The following CNTNAP2 variants were observed in gnomAD, a reference collection of about 807,000 sequenced individuals.
CNTNAP2 encodes contactin associated protein 2, also known as contactin-associated protein-like 2.
In CNTNAP2, 98 loss-of-function variants were observed where a neutral mutation model predicts 155.2. The observed-to-expected ratio is 0.63, with a 90% CI of 0.54 to 0.75. The LOEUF is 0.75. Among genes scored for constraint, CNTNAP2 ranks in the 30% least tolerant of loss-of-function variants. CNTNAP2 has a pLI of 0.00. For missense variants in CNTNAP2, 1,727 were observed against 1,688.1 expected, an observed-to-expected ratio of 1.02 and a Z score of -0.40; for synonymous variants, 651 against 631.2, an observed-to-expected ratio of 1.03 and a Z score of -0.47.
rs574476260 is a variant in CNTNAP2 at position 147,708,575 on chromosome 7, T to C, written c.2098+69269T>C. Among the ~76,000 whole-genome samples, 68 of 152,218 alleles carry C rather than the reference T, an allele frequency of 4.5e-4. 1 individual carries two copies. Among genetic ancestry groups the C allele is most frequent in the Admixed American group, 3.3e-3 (50 of 15,300 alleles). ...TTCACTTGGTCTCCTTGCAGCTTCC[T>C]ATGTTAGTCTTGGGGCCCACTAGGT... On this transcript the variant is annotated intron_variant, in intron 13 of 23. Transcript: ENST00000361727.
rs148632792 is a variant in CNTNAP2 at position 147,121,178 on chromosome 7, G to A, written c.939+15G>A. On this transcript the variant is annotated intron_variant, in intron 6 of 23. Transcript: ENST00000361727. ...TGGACTATGAGGTACATGTGATGAC[G>A]TAGAAATTGTAATAAAATGTCAAGC... 146 of 1,612,002 alleles carry A rather than the reference G, an allele frequency of 9.1e-5. No individual in the cohort carries two copies. The highest frequency in any genetic ancestry group is 1.1e-4 in the Non-Finnish European group (132 of 1,178,206).
At chr7:148,274,836 A>G (rs1796844636) in intron 21 of CNTNAP2, among the ~76,000 whole-genome samples, 1 of 152,218 alleles carries the variant, frequency 6.6e-6, no homozygotes, top group Non-Finnish European at 1.5e-5. Flanking sequence ...TGCCGATTGT[A>G]TGACTTTGTC....
intron 10 of CNTNAP2, among the ~76,000 whole-genome samples, chr7:147,434,086 G>A (rs1208543996): frequency 1.3e-5 from 2 of 152,188 alleles, no homozygotes; most frequent in Non-Finnish European, 1.5e-5. Flanking sequence ...CACAGAGCCT[G>A]CAAGGTTAGA....
At chr7:146,559,352 G>A (rs546386515) in intron 1 of CNTNAP2, among the ~76,000 whole-genome samples, 6 of 152,178 alleles carry the variant, frequency 3.9e-5, no homozygotes, top group Admixed American at 2.6e-4. Context: ...GGCAGCTCAC[G>A]AATTCAAGAG....
At chr7:148,381,865 C>T (rs1335600378) in intron 21 of CNTNAP2, among the ~76,000 whole-genome samples, 2 of 4,500 alleles carry the variant, frequency 4.4e-4, no homozygotes, top group Non-Finnish European at 7.8e-4. Flanking sequence ...ACTTACTGCA[C>T]ATTGGCCCCC....
intron 3 of CNTNAP2, among the ~76,000 whole-genome samples, chr7:146,862,078 A>C (rs1018907697): frequency 6.6e-6 from 1 of 152,138 alleles, no homozygotes; most frequent in Non-Finnish European, 1.5e-5. Context: ...GGGAAAATGA[A>C]GGGAAAATGA....
intron 1 of CNTNAP2, among the ~76,000 whole-genome samples, chr7:146,517,766 A>C (rs1258794887): frequency 2.0e-5 from 3 of 151,962 alleles, no homozygotes; most frequent in South Asian, 4.1e-4. Flanking sequence ...TTGATAGCAC[A>C]AAACAACAGA....
chr7:146,489,578 A>C (rs1019249211), intron 1 of CNTNAP2, among the ~76,000 whole-genome samples: 4 of 152,068 alleles, frequency 2.6e-5, no homozygotes, highest in African/African-American at 9.7e-5. Flanking sequence ...CCCACCTGCT[A>C]CCAGGGCCAC....
chr7:147,299,572 C>T (rs1486458898), intron 8 of CNTNAP2, among the ~76,000 whole-genome samples: 2 of 151,882 alleles, frequency 1.3e-5, no homozygotes, highest in Non-Finnish European at 2.9e-5. Flanking sequence ...TTATTTAGTA[C>T]TTAATTTCTA....
intron 1 of CNTNAP2, among the ~76,000 whole-genome samples, chr7:146,635,660 C>T (rs989631672): frequency 6.6e-6 from 1 of 152,142 alleles, no homozygotes; most frequent in African/African-American, 2.4e-5. Context: ...GTCTGTTCCA[C>T]TCACAGCAAA....
chr7:147,980,933 C>CAAAAAAAAAAA (rs34927518), intron 15 of CNTNAP2, among the ~76,000 whole-genome samples: 11 of 94,004 alleles, frequency 1.2e-4, no homozygotes, highest in Non-Finnish European at 2.1e-4. Flanking sequence ...TCCATCTTAA[C>CAAAAAAAAAAA]AAAAAAAAAA....
At chr7:146,748,547 AATG>A (rs1801851635) in intron 1 of CNTNAP2, among the ~76,000 whole-genome samples, 1 of 152,184 alleles carries the variant, frequency 6.6e-6, no homozygotes, top group Non-Finnish European at 1.5e-5. Context: ...CAATTAAAAG[AATG>A]ATGATAGACA....
chr7:146,300,888 ATAT>A (rs1800596665), intron 1 of CNTNAP2, among the ~76,000 whole-genome samples: 1 of 152,164 alleles, frequency 6.6e-6, no homozygotes. Flanking sequence ...AGAGAAAAAA[ATAT>A]TATAGGTATT....
At chr7:146,471,817 T>C (rs1796803237) in intron 1 of CNTNAP2, among the ~76,000 whole-genome samples, 1 of 152,196 alleles carries the variant, frequency 6.6e-6, no homozygotes. Context: ...TTGCCTAAAT[T>C]TGAGAATTTC....
intron 1 of CNTNAP2, among the ~76,000 whole-genome samples, chr7:146,720,935 T>TGC (rs1801278013): frequency 1.4e-5 from 2 of 140,098 alleles, no homozygotes; most frequent in Admixed American, 7.2e-5. Flanking sequence ...TCTATATATA[T>TGC]ACTTTCTCTA....
intron 1 of CNTNAP2, among the ~76,000 whole-genome samples, chr7:146,175,763 G>C (rs1798461239): frequency 1.3e-5 from 2 of 152,058 alleles, no homozygotes; most frequent in East Asian, 1.9e-4. Context: ...TCTAAGTTTG[G>C]ATTTTCCTCT....
intron 10 of CNTNAP2, among the ~76,000 whole-genome samples, chr7:147,476,722 T>C (rs1296078523): frequency 6.6e-6 from 1 of 151,892 alleles, no homozygotes; most frequent in Middle Eastern, 3.4e-3. Flanking sequence ...AAGTCAGGAG[T>C]TCGAGACCAG....
intron 8 of CNTNAP2, among the ~76,000 whole-genome samples, chr7:147,212,107 G>T (rs1162388720): frequency 6.6e-6 from 1 of 152,074 alleles, no homozygotes; most frequent in Non-Finnish European, 1.5e-5. Context: ...ACACATACTG[G>T]TGAGGCTGCA....
chr7:146,365,414 A>C (rs1031043165), intron 1 of CNTNAP2, among the ~76,000 whole-genome samples: 2 of 152,216 alleles, frequency 1.3e-5, no homozygotes, highest in Non-Finnish European at 2.9e-5. Flanking sequence ...CATGCTCTCC[A>C]GGATGGCAAA....
Sources: allele counts gnomAD v4.1 joint callset (sites outside exome capture counted in the v4.1 genomes callset), GRCh38; gene constraint gnomAD v4.1.1; transcripts MANE v1.5; gene names NCBI Gene and HGNC (gene_info 2026-07-23, HGNC 2026-07-21).